The following COL7A1 variants were observed in gnomAD, a reference collection of about 807,000 sequenced individuals.
The protein encoded by COL7A1 is collagen alpha-1(VII) chain.
COL7A1 carries 296 observed loss-of-function variants against 456.2 expected under a neutral mutation model. The observed-to-expected ratio is 0.65, with a 90% CI of 0.59 to 0.71. The LOEUF (loss-of-function observed/expected upper bound fraction) is 0.71. COL7A1 is among the 30% of genes least tolerant of loss of function. The probability of loss-of-function intolerance (pLI) is 0.00; values close to 1 mark genes in which losing one functional copy is unlikely to be tolerated. For missense variants in COL7A1, 3,441 were observed against 4,017.2 expected (o/e 0.86, Z 3.88); for synonymous variants, 1,464 against 1,525.9 (o/e 0.96, Z 0.95).
In COL7A1 at chr3:48,575,635, T is replaced by TG; in HGVS notation, c.5969dup (p.Gly1991ArgfsTer108). Reference sequence around the variant, plus strand: ...AGCCACTTCTGCTCACCTCCTTGCCTGGGGGGCCCTGTTCGCCTGAGTCCC... The same window carrying TG: ...AGCCACTTCTGCTCACCTCCTTGCCTGGGGGGGCCCTGTTCGCCTGAGTCCC... On this transcript the variant is annotated frameshift_variant, in exon 73 of 119. Coordinates refer to ENST00000681320, the MANE Select transcript of COL7A1 (RefSeq NM_000094.4). LOFTEE classifies it high-confidence loss of function. The surrounding 1 kb of genome is among the most constrained non-coding windows in gnomAD (Gnocchi z 6.3). 3 of 1,613,350 alleles carry TG rather than the reference T, an allele frequency of 1.9e-6. No individual in the cohort carries two copies.
Position 48,589,811 on chromosome 3 carries a change from C to T in COL7A1, c.2051-93G>A, listed in dbSNP as rs548018552. The T allele has an allele frequency of 2.9e-4, 464 of 1,580,818 alleles. 2 individuals are homozygous for T. The South Asian group carries it at 4.0e-3, about 13-fold the overall frequency. ...AAGATGATGGGAGTCTAACAGGAGACGGGAATTTGATAGAGGAGATGGTGA... is the reference window on the plus strand; with the variant it reads ...AAGATGATGGGAGTCTAACAGGAGATGGGAATTTGATAGAGGAGATGGTGA... On this transcript the variant is annotated intron_variant, in intron 16 of 118. Coordinates refer to ENST00000681320, the MANE Select transcript of COL7A1 (RefSeq NM_000094.4).
In COL7A1 at chr3:48,581,999, A is replaced by C; in HGVS notation, c.4636-56T>G. 2 of 1,611,514 alleles carry C rather than the reference A, an allele frequency of 1.2e-6. No individual in the cohort carries two copies. The highest frequency in any genetic ancestry group is 1.7e-6 in the Non-Finnish European group (2 of 1,177,876). On this transcript the variant is annotated intron_variant, in intron 47 of 118. Coordinates refer to ENST00000681320, the MANE Select transcript of COL7A1 (RefSeq NM_000094.4). This position sits in a 1 kb window ranked among gnomAD's most constrained non-coding sequence, Gnocchi z 5.8. The stretch of plus-strand genomic sequence containing the variant: ...CCCTGCCTTGGGGTTGTATGATCAA[A>C]GTCTTCATTGGAATGGAGGTCACAT...
chr3:48,583,614 C>T lies in COL7A1; in HGVS notation c.4343G>A (p.Gly1448Asp), dbSNP rs1202682853. ...VGPPGKKGEK[G>D]DSEDGAPGLP... ...GCCTGGAGCTCCATCCTCAGAGTCACCCTGAAGGAGAAACACACGGGTGGG... is the reference window on the plus strand; with the variant it reads ...GCCTGGAGCTCCATCCTCAGAGTCATCCTGAAGGAGAAACACACGGGTGGG... The change falls in exon 41 of 119, where the codon GGT (glycine) becomes GAT (aspartate). Residue 1448 changes from glycine (G) to aspartate (D), a missense_variant and splice_region_variant. Physicochemically the swap from Gly to Asp is moderately conservative, Grantham distance 94 (BLOSUM62 -1). This residue lies in a region of COL7A1 where 2,084 missense variants were observed against 2,501.3 expected (regional missense o/e 0.83). Transcript: ENST00000681320. The surrounding 1 kb of genome is among the most constrained non-coding windows in gnomAD (Gnocchi z 5.1). 1 of 1,614,066 alleles carries T rather than the reference C, an allele frequency of 6.2e-7. No homozygotes were observed. Among genetic ancestry groups the T allele is most frequent in the Non-Finnish European group, 8.5e-7 (1 of 1,180,020 alleles).
In COL7A1 at chr3:48,586,931, G is replaced by T. The variant is rs1260841152; in HGVS notation, c.3276+41C>A. The T allele has an allele frequency of 2.6e-6, 4 of 1,563,910 alleles. No individual in the cohort carries two copies. Among genetic ancestry groups the T allele is most frequent in the Admixed American group, 1.9e-5 (1 of 51,958 alleles). ...AACTGGTATGGAGCCTGGGTGGGGG[G>T]CCTCAGGGAGAGGTAGAATCTGGCT... On this transcript the variant is annotated intron_variant, in intron 25 of 118. Transcript: ENST00000681320. This position sits in a 1 kb window ranked among gnomAD's most constrained non-coding sequence, Gnocchi z 5.1.
rs1435996603 is a variant in COL7A1, at chr3:48,593,424, T to C, written c.452A>G (p.Lys151Arg). The change falls in exon 5 of 119, where the codon AAG becomes AGG. Residue 151 changes from lysine (K) to arginine (R), a missense_variant. Around this residue, in one of 3 missense-constraint regions of COL7A1, gnomAD observed 913 missense variants for 1,088.2 expected, o/e 0.84. Coordinates refer to ENST00000681320, the MANE Select transcript of COL7A1 (RefSeq NM_000094.4). The surrounding 1 kb of genome is among the most constrained non-coding windows in gnomAD (Gnocchi z 4.4). ...PKVCILITDG[K>R]SQDLVDTAAQ... is the part of the protein sequence containing the mutation. ...AGCTGTGTCCACCAGGTCCTGGGAC[T>C]TCCCGTCTGTGATCAGGATGCAGAC... 6.2e-7 allele frequency: 1 copy of C among 1,614,100 alleles called. No individual in the cohort carries two copies. The highest frequency in any genetic ancestry group is 8.5e-7 in the Non-Finnish European group (1 of 1,180,022).
In COL7A1 at chr3:48,580,050, G is replaced by A. The variant is rs1270080886; in HGVS notation, c.5105C>T (p.Pro1702Leu). The change falls in exon 57 of 119, where the codon CCA (proline) becomes CTA (leucine). Residue 1702 changes from proline to leucine, a missense_variant. Pro to Leu is a moderately conservative substitution (Grantham distance 98). Transcript: ENST00000681320. The surrounding 1 kb of genome is among the most constrained non-coding windows in gnomAD (Gnocchi z 4.5). ...CCTTACCAGCCGTCCCGGGGGTCCT[G>A]GGGGACCCTGGGAAAGGAAATGATT... The part of the protein sequence containing the change: ...PKGDRGEPGP[P>L]GPPGRLVDTG... The A allele has an allele frequency of 1.2e-6, 2 of 1,613,850 alleles. No homozygotes were observed. The highest frequency in any genetic ancestry group is 1.7e-6 in the Non-Finnish European group (2 of 1,179,874).
rs2044839929 is a variant in COL7A1 at position 48,582,527 on chromosome 3, A to C, written c.4564-14T>G. The C allele has an allele frequency of 6.2e-7, 1 of 1,614,050 alleles. No homozygotes were observed. The highest frequency in any genetic ancestry group is 1.7e-5 in the Admixed American group (1 of 60,022). ...TCCTGGTGGCCCCTGAATGTAGAGA[A>C]AGTGTGAGCCCAGGAGGGGAAGGGA... On this transcript the variant is annotated splice_polypyrimidine_tract_variant and intron_variant, in intron 45 of 118. Transcript: ENST00000681320.
In COL7A1 at chr3:48,575,284, T is replaced by TGG. The variant is rs2044214137; in HGVS notation, c.6181-43_6181-42insCC. 2.7e-5 allele frequency: 41 copies of TGG among 1,531,880 alleles called. No individual in the cohort carries two copies. Among genetic ancestry groups the TGG allele is most frequent in the Non-Finnish European group, 3.6e-5 (40 of 1,109,354 alleles). 94.9% of individuals were successfully genotyped at this position (1,531,880 alleles called of 1,614,324 possible). On this transcript the variant is annotated intron_variant, in intron 74 of 118. Coordinates refer to ENST00000681320, the MANE Select transcript of COL7A1 (RefSeq NM_000094.4). This position sits in a 1 kb window ranked among gnomAD's most constrained non-coding sequence, Gnocchi z 6.3. Reference sequence around the variant, plus strand: ...GGGTGAGGGCCAAGCCCATGGGGGGTCCCACCCCTCCCAACCCCTCTTCCC... The same window carrying TGG: ...GGGTGAGGGCCAAGCCCATGGGGGGTGGCCCACCCCTCCCAACCCCTCTTCCC...
Position 48,590,634 on chromosome 3 carries a change from G to A in COL7A1, c.1780+39C>T. ...AAGTCAGAACCAGGACCAGAGTGAG[G>A]CAGGCAGCTGTCCTCCACAAGCCTC... On this transcript the variant is annotated intron_variant, in intron 14 of 118. Coordinates refer to ENST00000681320, the MANE Select transcript of COL7A1 (RefSeq NM_000094.4). The surrounding 1 kb of genome is among the most constrained non-coding windows in gnomAD (Gnocchi z 4.6). 6.2e-7 allele frequency: 1 copy of A among 1,613,960 alleles called. No individual in the cohort carries two copies. Among genetic ancestry groups the A allele is most frequent in the Non-Finnish European group, 8.5e-7 (1 of 1,180,024 alleles).
Position 48,580,363 on chromosome 3 carries a change from C to T in COL7A1, c.5053-19G>A. 6.2e-7 allele frequency: 1 copy of T among 1,606,582 alleles called. No individual in the cohort carries two copies. The highest frequency in any genetic ancestry group is 1.3e-5 in the African/African-American group (1 of 74,848). On this transcript the variant is annotated intron_variant, in intron 55 of 118. Transcript: ENST00000681320. The surrounding 1 kb of genome is among the most constrained non-coding windows in gnomAD (Gnocchi z 4.5). ...GGCTGCCCTGCAGAAAGGCAGGGGTCAGGGCCACTCAAGGTAGGCAGCAGT... is the reference window on the plus strand; with the variant it reads ...GGCTGCCCTGCAGAAAGGCAGGGGTTAGGGCCACTCAAGGTAGGCAGCAGT...
rs770370096 is a variant in COL7A1, at chr3:48,585,674, T to C, written c.3831+16A>G. ...AAGCCAGTCAGGGTGCAGGGACAGA[T>C]GTGGGGGACACTCACCGGGAGGCCA... On this transcript the variant is annotated intron_variant, in intron 31 of 118. Coordinates refer to ENST00000681320, the MANE Select transcript of COL7A1 (RefSeq NM_000094.4). This position sits in a 1 kb window ranked among gnomAD's most constrained non-coding sequence, Gnocchi z 4.5. 3.1e-6 allele frequency: 5 copies of C among 1,613,948 alleles called. No individual in the cohort carries two copies. Among genetic ancestry groups the C allele is most frequent in the Non-Finnish European group, 4.2e-6 (5 of 1,179,964 alleles).
rs1189942401 is a variant in COL7A1 at position 48,570,863 on chromosome 3, G to A, written c.7270C>T (p.Arg2424Trp). 3.1e-6 allele frequency: 5 copies of A among 1,609,914 alleles called. No individual in the cohort carries two copies. Among genetic ancestry groups the A allele is most frequent in the East Asian group, 2.2e-5 (1 of 44,800 alleles). Residue 2424 changes from arginine (R) to tryptophan (W), a missense_variant and splice_region_variant, in exon 95 of 119, where the codon CGG becomes TGG. Around this residue, in one of 3 missense-constraint regions of COL7A1, gnomAD observed 2,084 missense variants for 2,501.3 expected, o/e 0.83. Transcript: ENST00000681320. This position sits in a 1 kb window ranked among gnomAD's most constrained non-coding sequence, Gnocchi z 5.5. ...ACATGCTGTTCCCAGCCCCTCACCC[G>A]CTCTCCACTAGGGCCTGGCTGACCC... The part of the protein sequence containing the change: ...EMGQPGPSGE[R>W]GLAGPPGREG...
chr3:48,585,675 G>A lies in COL7A1; in HGVS notation c.3831+15C>T, dbSNP rs773908614. On this transcript the variant is annotated intron_variant, in intron 31 of 118. Coordinates refer to ENST00000681320, the MANE Select transcript of COL7A1 (RefSeq NM_000094.4). This position sits in a 1 kb window ranked among gnomAD's most constrained non-coding sequence, Gnocchi z 4.5. Reference sequence around the variant, plus strand: ...AGCCAGTCAGGGTGCAGGGACAGATGTGGGGGACACTCACCGGGAGGCCAG... The same window carrying A: ...AGCCAGTCAGGGTGCAGGGACAGATATGGGGGACACTCACCGGGAGGCCAG... The A allele has an allele frequency of 1.9e-6, 3 of 1,613,928 alleles. No individual in the cohort carries two copies. Among genetic ancestry groups the A allele is most frequent in the Non-Finnish European group, 2.5e-6 (3 of 1,180,002 alleles).
chr3:48,570,063 G>T lies in COL7A1; in HGVS notation c.7485+71C>A. On this transcript the variant is annotated intron_variant, in intron 99 of 118. Transcript: ENST00000681320. The surrounding 1 kb of genome is among the most constrained non-coding windows in gnomAD (Gnocchi z 5.5). ...AGAGGGCTAGGGAGGATGGCAGAGAGTCCTGGGGTACAAAGGGCACAGGCA... is the reference window on the plus strand; with the variant it reads ...AGAGGGCTAGGGAGGATGGCAGAGATTCCTGGGGTACAAAGGGCACAGGCA... 6.2e-7 allele frequency: 1 copy of T among 1,602,636 alleles called. No individual in the cohort carries two copies. Among genetic ancestry groups the T allele is most frequent in the Non-Finnish European group, 8.5e-7 (1 of 1,169,844 alleles).
At position 48,580,445 on chromosome 3, in the gene COL7A1, T is replaced by A; in HGVS notation, c.5053-101A>T. 2 of 1,489,562 alleles carry A rather than the reference T, an allele frequency of 1.3e-6. No homozygotes were observed. Among genetic ancestry groups the A allele is most frequent in the Non-Finnish European group, 1.8e-6 (2 of 1,081,660 alleles). The allele number at this position is 1,489,562 out of a possible 1,614,324, so 92.3% of individuals were successfully genotyped here. On this transcript the variant is annotated intron_variant, in intron 55 of 118. Coordinates refer to ENST00000681320, the MANE Select transcript of COL7A1 (RefSeq NM_000094.4). This position sits in a 1 kb window ranked among gnomAD's most constrained non-coding sequence, Gnocchi z 4.5. ...CATGGGAATGTTGGTAGCCTTCAGA[T>A]GCGTGTGTGCAGGGGTCAAAGGAAG...
Position 48,571,472 on chromosome 3 carries a change from C to T in COL7A1, c.7069-194G>A, listed in dbSNP as rs1015451949. ...TCTCAGGACAGCACAGACAGAGGGA[C>T]GCTCAGATACTACCATAGACAGGTG... On this transcript the variant is annotated intron_variant, in intron 92 of 118. Transcript: ENST00000681320. This position sits in a 1 kb window ranked among gnomAD's most constrained non-coding sequence, Gnocchi z 4.6. 3.4e-5 allele frequency: 25 copies of T among 742,886 alleles called. No homozygotes were observed. The highest frequency in any genetic ancestry group is 1.6e-4 in the Admixed American group (8 of 49,852). The allele number at this position is 742,886 out of a possible 1,614,324, so 46.0% of individuals were successfully genotyped here. A position where few individuals can be genotyped will look rare whatever the true frequency, so the allele number is the denominator to read the frequency against.
At position 48,575,132 on chromosome 3, in the gene COL7A1, G is replaced by A. The variant is rs191559835; in HGVS notation, c.6217-6C>T. On this transcript the variant is annotated splice_polypyrimidine_tract_variant and splice_region_variant and intron_variant, in intron 75 of 118. Transcript: ENST00000681320. This position sits in a 1 kb window ranked among gnomAD's most constrained non-coding sequence, Gnocchi z 6.3. ...CCAGGAGGGCCATCTCTGCCCTGCA[G>A]GAAACAAGAAAATGGGGTGGCAGCC... The A allele has an allele frequency of 1.2e-3, 1,870 of 1,613,946 alleles. 13 individuals are homozygous for A. In the African/African-American group the frequency reaches 0.02, roughly 17 times the overall value.
In COL7A1 at chr3:48,593,088, G is replaced by A. The variant is rs2045826959; in HGVS notation, c.682+14C>T. 6.2e-7 allele frequency: 1 copy of A among 1,613,960 alleles called. No homozygotes were observed. The highest frequency in any genetic ancestry group is 1.3e-5 in the African/African-American group (1 of 74,898). ...GGGTCTAGGTCAGGGTACACCGTGT[G>A]GGCAGGAACTCACGAGGTCGGGTCA... On this transcript the variant is annotated intron_variant, in intron 6 of 118. Transcript: ENST00000681320. This position sits in a 1 kb window ranked among gnomAD's most constrained non-coding sequence, Gnocchi z 4.4.
chr3:48,584,041 C>T lies in COL7A1; in HGVS notation c.4218G>A (p.Gly1406=). The change falls in exon 38 of 119, where the codon GGG becomes GGA. Residue 1406 remains glycine, a synonymous_variant. Coordinates refer to ENST00000681320, the MANE Select transcript of COL7A1 (RefSeq NM_000094.4). The part of the protein sequence containing the change: ...TAMKGDKGDR[G]ERGPPGPGEG... The stretch of plus-strand genomic sequence containing the variant: ...CAACCTGTCCCTCACTTACCCGCTC[C>T]CCACGATCGCCTTTGTCACCCTAGA... 6.2e-7 allele frequency: 1 copy of T among 1,614,126 alleles called. No individual in the cohort carries two copies. The highest frequency in any genetic ancestry group is 8.5e-7 in the Non-Finnish European group (1 of 1,180,016).
Sources: gnomAD v4.1 joint callset for allele counts on GRCh38, gnomAD v4.1.1 for gene constraint, gnomAD v4.1.1 regional missense constraint, Gnocchi (gnomAD v3.1) non-coding constraint, MANE v1.5 for transcripts, NCBI Gene and HGNC (gene_info 2026-07-23, HGNC 2026-07-21) for gene names.